DMD: variants seen among roughly 807,000 people sequenced by gnomAD.
DMD encodes the protein dystrophin.
A neutral mutation model predicts 330.1 loss-of-function variants in DMD; 63 were observed. The observed-to-expected ratio is 0.19, with a 90% CI of 0.16 to 0.24. The LOEUF (loss-of-function observed/expected upper bound fraction) is 0.24. DMD is among the 10% of genes least tolerant of loss of function. DMD has a pLI of 1.00. For missense variants in DMD, 3,344 were observed against 2,684.1 expected (o/e 1.25, Z -5.43); for synonymous variants, 1,223 against 959.8 (o/e 1.27, Z -5.07).
chrX:33,185,829 A>G (rs1165393370), intron 1 of DMD, among the ~76,000 whole-genome samples: 1 of 112,175 alleles, frequency 8.9e-6, no homozygotes, highest in Non-Finnish European at 1.9e-5. Flanking sequence ...GCTTCATTAA[A>G]CATTAGATAA....
At chrX:31,712,427 C>T (rs1603450433) in intron 52 of DMD, among the ~76,000 whole-genome samples, 1 of 111,885 alleles carries the variant, frequency 8.9e-6, no homozygotes, top group African/African-American at 3.2e-5. Context: ...TTTGATAATC[C>T]TTAAGAGGTA....
rs149405184 is a variant in DMD, at chrX:31,121,904, T to C, written c.*15A>G. The stretch of plus-strand genomic sequence containing the variant: ...ATCGCTCTGCCCAAATCATCTGCCA[T>C]GTGGAAAAGACTTCCTACATTGTGT... On this transcript the variant is annotated 3_prime_UTR_variant, in exon 79 of 79. Transcript: ENST00000357033. 2.1e-5 allele frequency: 25 copies of C among 1,205,777 alleles called. No homozygotes were observed. In the African/African-American group the frequency reaches 3.8e-4, roughly 19 times the overall value.
intron 7 of DMD, among the ~76,000 whole-genome samples, chrX:32,714,805 C>T (rs988383489): frequency 7.2e-5 from 8 of 111,595 alleles, no homozygotes; most frequent in African/African-American, 2.6e-4. Flanking sequence ...GATTTTGGAA[C>T]TTCTCTTTTT....
At chrX:31,647,226 G>A (rs181890707) in intron 54 of DMD, among the ~76,000 whole-genome samples, 36 of 111,622 alleles carry the variant, frequency 3.2e-4, no homozygotes, top group Non-Finnish European at 6.0e-4. Context: ...TTAGATTACC[G>A]GGAATAGCTG....
chrX:31,591,585 C>T (rs1397303166), intron 55 of DMD, among the ~76,000 whole-genome samples: 4 of 111,040 alleles, frequency 3.6e-5, no homozygotes, highest in Non-Finnish European at 5.7e-5. Flanking sequence ...ATTGCATTGC[C>T]AATTTAGAAA....
intron 18 of DMD, among the ~76,000 whole-genome samples, chrX:32,512,940 T>G: frequency 8.9e-6 from 1 of 111,845 alleles, no homozygotes; most frequent in Admixed American, 9.5e-5. Flanking sequence ...CCTAAAATTT[T>G]TATCTAGATG....
intron 1 of DMD, among the ~76,000 whole-genome samples, chrX:33,025,563 AT>A (rs933151722): frequency 9.0e-6 from 1 of 111,364 alleles, no homozygotes; most frequent in East Asian, 2.8e-4. Context: ...AGAAAATAAA[AT>A]TTTTTTGACA....
At chrX:31,650,970 A>G (rs982615493) in intron 54 of DMD, among the ~76,000 whole-genome samples, 7 of 111,904 alleles carry the variant, frequency 6.3e-5, no homozygotes, top group Non-Finnish European at 1.1e-4. Context: ...GAAATCTACA[A>G]AGGATGAAGA....
chrX:32,438,745 G>C (rs886330849), intron 28 of DMD, among the ~76,000 whole-genome samples: 3 of 111,723 alleles, frequency 2.7e-5, no homozygotes, highest in African/African-American at 9.8e-5. Flanking sequence ...CTGAAAAAGA[G>C]TACTCTCTCA....
At chrX:32,237,429 A>G (rs2097192148) in intron 43 of DMD, among the ~76,000 whole-genome samples, 1 of 110,676 alleles carries the variant, frequency 9.0e-6, no homozygotes, top group South Asian at 3.8e-4. Context: ...TCTCTCTACA[A>G]CTGTTATACA....
chrX:32,175,738 C>T (rs781509352), intron 44 of DMD, among the ~76,000 whole-genome samples: 2 of 111,230 alleles, frequency 1.8e-5, no homozygotes, highest in African/African-American at 6.5e-5. Context: ...GTTGTTATGA[C>T]CACATGTACA....
intron 44 of DMD, among the ~76,000 whole-genome samples, chrX:32,071,015 C>T (rs975996356): frequency 6.3e-5 from 7 of 111,328 alleles, no homozygotes; most frequent in Admixed American, 9.5e-5. Flanking sequence ...TATGGCTGCA[C>T]AGTATTCCAT....
chrX:32,815,520 T>TATATATATATATATATATATACACACAC, intron 6 of DMD, among the ~76,000 whole-genome samples: 15 of 78,892 alleles, frequency 1.9e-4, no homozygotes, highest in African/African-American at 6.9e-4. Context: ...TATATATATA[T>TATATATATATATATATATATACACACAC]ACACACACAC....
At chrX:32,655,117 C>T (rs750497430) in intron 9 of DMD, among the ~76,000 whole-genome samples, 34 of 111,102 alleles carry the variant, frequency 3.1e-4, no homozygotes, top group Non-Finnish European at 6.2e-4. Flanking sequence ...TTTTAAAGGG[C>T]TTTTTGTGTC....
chrX:32,692,639 G>A (rs1390262851), intron 9 of DMD, among the ~76,000 whole-genome samples: 1 of 111,782 alleles, frequency 8.9e-6, no homozygotes, highest in East Asian at 2.8e-4. Flanking sequence ...TTCCAAGATT[G>A]TTCCTCAGCA....
chrX:33,311,369 C>T (rs1268938599), intron 1 of DMD, among the ~76,000 whole-genome samples: 3 of 110,143 alleles, frequency 2.7e-5, no homozygotes, highest in Non-Finnish European at 5.7e-5. Flanking sequence ...CCTGTCTGTT[C>T]TTACCACAGA....
intron 3 of DMD, among the ~76,000 whole-genome samples, chrX:32,846,861 G>GC (rs1246195699): frequency 2.8e-5 from 3 of 109,031 alleles, no homozygotes; most frequent in Non-Finnish European, 5.7e-5. Flanking sequence ...ACAAAACTTA[G>GC]CCAGGCATGA....
intron 1 of DMD, among the ~76,000 whole-genome samples, chrX:33,027,889 A>T (rs2094032542): frequency 8.9e-6 from 1 of 111,973 alleles, no homozygotes; most frequent in African/African-American, 3.2e-5. Context: ...GATGTGAGAG[A>T]AAGAGTATGG....
At chrX:32,121,138 C>T (rs1008286737) in intron 44 of DMD, among the ~76,000 whole-genome samples, 1 of 112,156 alleles carries the variant, frequency 8.9e-6, no homozygotes, top group African/African-American at 3.2e-5. Flanking sequence ...ACATACAAAA[C>T]GTTTGCTCCT....
Sources: gnomAD v4.1 joint callset for allele counts (sites outside exome capture counted in the v4.1 genomes callset) on GRCh38, gnomAD v4.1.1 for gene constraint, MANE v1.5 for transcripts, NCBI Gene and HGNC (gene_info 2026-07-23, HGNC 2026-07-21) for gene names.